The following NEB variants were observed in gnomAD, a reference collection of about 807,000 sequenced individuals.
NEB encodes the protein nebulin, also known as nemaline myopathy type 2.
A neutral mutation model predicts 952.2 loss-of-function variants in NEB; 512 were observed. The observed-to-expected ratio is 0.54, with a 90% CI of 0.50 to 0.58. The LOEUF (loss-of-function observed/expected upper bound fraction) is 0.58, where lower values mean the gene tolerates loss of function less well. Among genes scored for constraint, NEB ranks in the 20% least tolerant of loss-of-function variants. The pLI is 0.00. For missense variants in NEB, 8,428 were observed against 9,231.1 expected (o/e 0.91, Z 3.56); for synonymous variants, 2,900 against 3,149.8 (o/e 0.92, Z 2.66).
At chr2:151,570,047 GAA>G (rs756937043) in intron 109 of NEB, 32 bp downstream of exon 109, 3 of 1,568,964 alleles carry the variant, frequency 1.9e-6, no homozygotes, top group Middle Eastern at 1.9e-4. Flanking sequence ...GGCAAACTGA[GAA>G]AAGAGTTCAA....
In NEB at chr2:151,503,386, A is replaced by G. The variant is rs140967744; in HGVS notation, c.23798T>C (p.Ile7933Thr). Residue 7933 changes from isoleucine (I) to threonine (T), a missense_variant, in exon 166 of 182, where the codon ATT (isoleucine) becomes ACT (threonine). By Grantham distance (89) the Ile-to-Thr change is moderately conservative (BLOSUM62 -1). Transcript: ENST00000397345. Reference sequence around the variant, plus strand: ...CTCTTGATTGCGTTTGACTCTCTCAATCTCTGGAGTCACAGTGGTTGGAAT... The same window carrying G: ...CTCTTGATTGCGTTTGACTCTCTCAGTCTCTGGAGTCACAGTGGTTGGAAT... ...TGIPTTVTPEIERVKRNQENF... is the reference protein window; with the variant it reads ...TGIPTTVTPETERVKRNQENF... 5.8e-5 allele frequency: 93 copies of G among 1,612,902 alleles called. No homozygotes were observed. In the East Asian group the frequency reaches 1.2e-3, roughly 22 times the overall value.
intron 153 of NEB, among the ~76,000 whole-genome samples, chr2:151,521,343 G>A (rs1444428115): frequency 6.6e-6 from 1 of 152,172 alleles, no homozygotes; most frequent in African/African-American, 2.4e-5. Flanking sequence ...GACACACAAA[G>A]TAAAGGAAAA....
At chr2:151,497,426 A>C in intron 171 of NEB, 200 bp downstream of exon 171, 4 of 979,730 alleles carry the variant, frequency 4.1e-6, no homozygotes, top group Non-Finnish European at 4.8e-6. Flanking sequence ...GATGAAATAA[A>C]AAATTGAAAT....
chr2:151,631,335 C>T lies in NEB; in HGVS notation c.9426G>A (p.Lys3142=), dbSNP rs921642733. 2.5e-6 allele frequency: 4 copies of T among 1,613,072 alleles called. No individual in the cohort carries two copies. In the Admixed American group the frequency reaches 5.0e-5, roughly 20 times the overall value. Residue 3142 remains lysine, a synonymous_variant, in exon 66 of 182, where the codon AAG becomes AAA. Transcript: ENST00000397345. ...TGCCTCTCAGCCACTGGAGATCTGA[C>T]TTGTAAATATTCTGAGCAGAGGAAA... The part of the protein sequence containing the change: ...AYDLQSDNIY[K]SDLQWLRGIG...
intron 169 of NEB, among the ~76,000 whole-genome samples, chr2:151,498,866 C>T (rs1575095688): frequency 6.8e-6 from 1 of 147,382 alleles, no homozygotes; most frequent in African/African-American, 2.5e-5. Flanking sequence ...ATGTTTAAGG[C>T]AAATGGAGAG....
At chr2:151,624,722 T>C (rs2098485258) in intron 71 of NEB, among the ~76,000 whole-genome samples, 1 of 152,100 alleles carries the variant, frequency 6.6e-6, no homozygotes, top group African/African-American at 2.4e-5. Flanking sequence ...CTGCCTTCCT[T>C]TTTCTCTAAA....
chr2:151,512,019 CTTTTTTTTTTTTTTTTTTTTTTTTTTTT>C (rs71403173), intron 161 of NEB, among the ~76,000 whole-genome samples: 1 of 93,568 alleles, frequency 1.1e-5, no homozygotes. Flanking sequence ...CCCTCTCACT[CTTTTTTTTTTTTTTTTTTTTTTTTTTTT>C]TGAGACAGAG....
At chr2:151,722,319 A>G (rs1372166486) in intron 9 of NEB, among the ~76,000 whole-genome samples, 1 of 152,202 alleles carries the variant, frequency 6.6e-6, no homozygotes, top group African/African-American at 2.4e-5. Flanking sequence ...GTTAGGCCCA[A>G]GTGGGTCTCT....
In NEB at chr2:151,663,740, T is replaced by C. The variant is rs201539560; in HGVS notation, c.5571A>G (p.Glu1857=). Reference sequence around the variant, plus strand: ...TGGATTTCTCATATCCCTTCTTGTATTCCCGGTCTGACTGCATCTTGGCCA... The same window carrying C: ...TGGATTTCTCATATCCCTTCTTGTACTCCCGGTCTGACTGCATCTTGGCCA... The part of the protein sequence containing the change: ...MQVAKMQSDR[E]YKKGYEKSKT... The change falls in exon 45 of 182, where the codon GAA becomes GAG. Residue 1857 remains glutamate (E), a synonymous_variant. Transcript: ENST00000397345. 18 of 1,613,668 alleles carry C rather than the reference T, an allele frequency of 1.1e-5. No individual in the cohort carries two copies. In the East Asian group the frequency reaches 3.1e-4, roughly 28 times the overall value.
At chr2:151,625,951 G>A (rs987378532) in intron 70 of NEB, among the ~76,000 whole-genome samples, 2 of 152,088 alleles carry the variant, frequency 1.3e-5, no homozygotes, top group South Asian at 4.1e-4. Context: ...TATTTCTCAA[G>A]CATATATTCA....
In NEB at chr2:151,540,338, G is replaced by A. The variant is rs956488728; in HGVS notation, c.20892+6C>T. ...ACAACAGAAGAAAAAAGGAAGGGAT[G>A]CATACATCACTGGCATTCCAGTAAG... is the stretch of plus-strand genomic sequence containing the variant. On this transcript the variant is annotated splice_donor_region_variant and intron_variant, in intron 138 of 181. Transcript: ENST00000397345. The A allele has an allele frequency of 6.5e-7, 1 of 1,539,412 alleles. No homozygotes were observed. Among genetic ancestry groups the A allele is most frequent in the Non-Finnish European group, 8.9e-7 (1 of 1,129,378 alleles).
At chr2:151,663,893 T>C in intron 44 of NEB, 34 bp from the exon 45 acceptor site, 3 of 1,581,130 alleles carry the variant, frequency 1.9e-6, no homozygotes, top group Non-Finnish European at 2.6e-6. Flanking sequence ...GTGATGAAAA[T>C]GGTAAAAGAG....
intron 9 of NEB, among the ~76,000 whole-genome samples, chr2:151,719,378 C>T (rs907049909): frequency 2.6e-5 from 4 of 152,184 alleles, no homozygotes; most frequent in Admixed American, 2.0e-4. Context: ...TTCCTCATGG[C>T]AGTGTTCTTA....
rs1262231259 is a variant in NEB at position 151,492,516 on chromosome 2, A to T, written c.24766-22T>A. The T allele has an allele frequency of 3.3e-6, 5 of 1,526,810 alleles. No homozygotes were observed. The South Asian group carries it at 4.5e-5, about 14-fold the overall frequency. The allele number at this position is 1,526,810 out of a possible 1,614,324, so 94.6% of individuals were successfully genotyped here. ...GAACCTGATGCAGGAGAGACCGTGA[A>T]TGAGTGGTGCTGTCCTAAATCTGAA... On this transcript the variant is annotated intron_variant, in intron 176 of 181. Transcript: ENST00000397345.
At chr2:151,656,951 A>G (rs148729817) in intron 48 of NEB, among the ~76,000 whole-genome samples, 1 of 152,256 alleles carries the variant, frequency 6.6e-6, no homozygotes, top group African/African-American at 2.4e-5. Context: ...TGAGACACAC[A>G]GTGTAATTTT....
In NEB at chr2:151,562,054, C is replaced by A. The variant is rs531944752; in HGVS notation, c.18996+56G>T. ...TTGCCTGCCCATCAGCCCACTGACACCACCATGGATTCTGATGACCCATGG... is the reference window on the plus strand; with the variant it reads ...TTGCCTGCCCATCAGCCCACTGACAACACCATGGATTCTGATGACCCATGG... On this transcript the variant is annotated intron_variant, in intron 121 of 181. Transcript: ENST00000397345. 5.0e-5 allele frequency: 70 copies of A among 1,395,838 alleles called. No homozygotes were observed. The South Asian group carries it at 7.7e-4, about 15-fold the overall frequency. 86.5% of individuals were successfully genotyped at this position (1,395,838 alleles called of 1,614,324 possible).
rs2098709404 is a variant in NEB, at chr2:151,633,647, T to C, written c.9414+7A>G. On this transcript the variant is annotated splice_region_variant and intron_variant, in intron 65 of 181. Coordinates refer to ENST00000397345, the MANE Select transcript of NEB (RefSeq NM_001164508.2). ...TGCACAGCTCCATTTATAGATGCTGTACTCACGTCACTCTGGAGGTCATAG... is the reference window on the plus strand; with the variant it reads ...TGCACAGCTCCATTTATAGATGCTGCACTCACGTCACTCTGGAGGTCATAG... 1 of 1,608,476 alleles carries C rather than the reference T, an allele frequency of 6.2e-7. No homozygotes were observed. The highest frequency in any genetic ancestry group is 1.3e-5 in the African/African-American group (1 of 74,842).
At chr2:151,680,423 T>G (rs894269348) in intron 30 of NEB, among the ~76,000 whole-genome samples, 7 of 152,082 alleles carry the variant, frequency 4.6e-5, no homozygotes, top group African/African-American at 1.7e-4. Context: ...CCATTTGATA[T>G]ACTCATTCTT....
At chr2:151,569,574 G>A (rs1340821751) in intron 109 of NEB, among the ~76,000 whole-genome samples, 3 of 152,158 alleles carry the variant, frequency 2.0e-5, no homozygotes, top group African/African-American at 4.8e-5. Context: ...TTTATTTAAA[G>A]GGGGTTATCC....
Sources: gnomAD v4.1 joint callset for allele counts (sites outside exome capture counted in the v4.1 genomes callset) on GRCh38, gnomAD v4.1.1 for gene constraint, MANE v1.5 for transcripts, NCBI Gene and HGNC (gene_info 2026-07-23, HGNC 2026-07-21) for gene names.